ZBTB7B: variants seen among roughly 807,000 people sequenced by gnomAD.
ZBTB7B encodes the protein zinc finger and BTB domain-containing protein 7B.
In ZBTB7B, 8 loss-of-function variants were observed where a neutral mutation model predicts 31.0. That is an observed-to-expected ratio of 0.26 (90% CI 0.15 to 0.47). ZBTB7B has a LOEUF of 0.47. ZBTB7B is among the 20% of genes least tolerant of loss of function. The pLI is 0.99. For missense variants in ZBTB7B, 494 were observed against 742.4 expected, an observed-to-expected ratio of 0.67 and a Z score of 3.89; for synonymous variants, 261 against 307.3, an observed-to-expected ratio of 0.85 and a Z score of 1.58.
At chr1:155,011,090 C>A in intron 1 of ZBTB7B, 1 of 1,302,048 alleles carries the variant, frequency 7.7e-7, no homozygotes, top group South Asian at 1.3e-5. Context: ...TTCTCTGCTG[C>A]TAATCCTGGT....
chr1:155,006,463 G>T (rs983321228), intron 1 of ZBTB7B, among the ~76,000 whole-genome samples: 9 of 152,132 alleles, frequency 5.9e-5, no homozygotes, highest in Non-Finnish European at 1.3e-4. Flanking sequence ...TCAGCCTTCA[G>T]AGCTTCCCAG....
intron 1 of ZBTB7B, among the ~76,000 whole-genome samples, chr1:155,007,823 C>T (rs183104194): frequency 4.0e-4 from 61 of 151,974 alleles, no homozygotes; most frequent in Admixed American, 3.9e-3. Context: ...AGCAGGCCAG[C>T]GGCATTGAGC....
At position 155,016,311 on chromosome 1, in the gene ZBTB7B, G is replaced by A. The variant is rs753915738; in HGVS notation, c.1246G>A (p.Asp416Asn). ...HCPARFLHSY[D>N]LKNHMHLHTG... Reference sequence around the variant, plus strand: ...CCCAGCCCGCTTCCTGCACAGCTACGACCTCAAGAACCACATGCACCTGCA... The same window carrying A: ...CCCAGCCCGCTTCCTGCACAGCTACAACCTCAAGAACCACATGCACCTGCA... Residue 416 changes from aspartate to asparagine, a missense_variant, in exon 3 of 3, where the codon GAC becomes AAC. By Grantham distance (23) the Asp-to-Asn change is conservative. Around this residue, in one of 5 missense-constraint regions of ZBTB7B, gnomAD observed 61 missense variants for 170.0 expected, o/e 0.36. Transcript: ENST00000535420. This position sits in a 1 kb window ranked among gnomAD's most constrained non-coding sequence, Gnocchi z 4.3. 1 of 1,614,052 alleles carries A rather than the reference G, an allele frequency of 6.2e-7. No individual in the cohort carries two copies. The highest frequency in any genetic ancestry group is 1.1e-5 in the South Asian group (1 of 91,072).
chr1:155,005,255 G>A (rs1163554784), intron 1 of ZBTB7B, among the ~76,000 whole-genome samples: 1 of 152,128 alleles, frequency 6.6e-6, no homozygotes, highest in Non-Finnish European at 1.5e-5. Context: ...AGTGAAGGCT[G>A]GGGGAGAGAA....
chr1:155,008,510 C>T (rs1022604433), intron 1 of ZBTB7B, among the ~76,000 whole-genome samples: 2 of 152,076 alleles, frequency 1.3e-5, no homozygotes, highest in East Asian at 1.9e-4. Context: ...CAGGGTTCCC[C>T]TCCTCCCTCT....
chr1:155,007,130 C>T (rs115792617), intron 1 of ZBTB7B, among the ~76,000 whole-genome samples: 74 of 152,362 alleles, frequency 4.9e-4, no homozygotes, highest in African/African-American at 1.5e-3. Flanking sequence ...TGCATCCCCC[C>T]ACTTTATTCT....
At chr1:155,009,100 T>C (rs1658762799) in intron 1 of ZBTB7B, among the ~76,000 whole-genome samples, 1 of 152,112 alleles carries the variant, frequency 6.6e-6, no homozygotes, top group African/African-American at 2.4e-5. Flanking sequence ...TGCCCAGACT[T>C]CACAAGAGAG....
At position 155,016,796 on chromosome 1, in the gene ZBTB7B, C is replaced by A. The variant is rs1475181465; in HGVS notation, c.*111C>A. The stretch of plus-strand genomic sequence containing the variant: ...GGTCTGGGGCACGGAGCCTTGCTGG[C>A]ATCAGCATCAGCCCTTCCTCCCAGA... On this transcript the variant is annotated 3_prime_UTR_variant, in exon 3 of 3. Coordinates refer to ENST00000535420, the MANE Select transcript of ZBTB7B (RefSeq NM_001256455.2). This position sits in a 1 kb window ranked among gnomAD's most constrained non-coding sequence, Gnocchi z 4.3. The A allele has an allele frequency of 4.6e-6, 3 of 647,796 alleles. No individual in the cohort carries two copies. Among genetic ancestry groups the A allele is most frequent in the Non-Finnish European group, 5.3e-6 (2 of 374,564 alleles). 40.1% of individuals were successfully genotyped at this position (647,796 alleles called of 1,614,324 possible). A position where few individuals can be genotyped will look rare whatever the true frequency, so the allele number is the denominator to read the frequency against.
chr1:155,002,072 G>C (rs1658254332), upstream of ZBTB7B, among the ~76,000 whole-genome samples: 1 of 151,660 alleles, frequency 6.6e-6, no homozygotes, highest in Non-Finnish European at 1.5e-5. Flanking sequence ...GGGAGCCCCT[G>C]TAGGGGGTGC....
At chr1:155,011,131 C>A in intron 1 of ZBTB7B, 2 of 961,594 alleles carry the variant, frequency 2.1e-6, no homozygotes, top group Non-Finnish European at 3.1e-6. Flanking sequence ...CTAAGCCTCA[C>A]TCCCCTAATC....
intron 1 of ZBTB7B, among the ~76,000 whole-genome samples, chr1:155,009,347 C>T (rs1202670440): frequency 2.6e-5 from 4 of 151,628 alleles, no homozygotes; most frequent in African/African-American, 9.7e-5. Context: ...GGGTTACCAG[C>T]CAGCTCGGTT....
chr1:155,008,795 G>A (rs1479959640), intron 1 of ZBTB7B, among the ~76,000 whole-genome samples: 12 of 152,148 alleles, frequency 7.9e-5, no homozygotes, highest in Admixed American at 7.9e-4. Context: ...GGGGGGAGGG[G>A]GGACAGCACC....
chr1:155,018,420 C>T lies in ZBTB7B; in HGVS notation c.*1735C>T. ...TACTTTCGGCTTTCCCAGTCAGTGC[C>T]TTAGGGGGAGAGGCACTCCCCCCCT... On this transcript the variant is annotated 3_prime_UTR_variant, in exon 3 of 3. Transcript: ENST00000535420. 2.0e-6 allele frequency: 2 copies of T among 1,003,918 alleles called. No individual in the cohort carries two copies. Among genetic ancestry groups the T allele is most frequent in the East Asian group, 2.6e-5 (1 of 38,262 alleles). 62.2% of individuals were successfully genotyped at this position (1,003,918 alleles called of 1,614,324 possible).
rs1241812053 is a variant in ZBTB7B, at chr1:155,015,667, T to G, written c.1007T>G (p.Leu336Arg). 1 of 1,613,246 alleles carries G rather than the reference T, an allele frequency of 6.2e-7. No individual in the cohort carries two copies. Among genetic ancestry groups the G allele is most frequent in the South Asian group, 1.1e-5 (1 of 91,036 alleles). The change falls in exon 2 of 3, where the codon CTG becomes CGG. Residue 336 changes from leucine (L) to arginine (R), a missense_variant. By Grantham distance (102) the Leu-to-Arg change is moderately radical. This residue lies in a region of ZBTB7B where 216 missense variants were observed against 229.3 expected (regional missense o/e 0.94). Transcript: ENST00000535420. ...LAPGLDSQDK[L>R]VRKRRSQMPQ... ...CCAGGCCTGGACAGCCAAGACAAGCTGGTGCGCAAACGCCGCTCCCAGATG... is the reference window on the plus strand; with the variant it reads ...CCAGGCCTGGACAGCCAAGACAAGCGGGTGCGCAAACGCCGCTCCCAGATG...
rs1659482407 is a variant in ZBTB7B at position 155,017,160 on chromosome 1, A to G, written c.*475A>G. 6.5e-6 allele frequency: 1 copy of G among 154,848 alleles called. No individual in the cohort carries two copies. The highest frequency in any genetic ancestry group is 2.4e-5 in the African/African-American group (1 of 41,218). 9.6% of individuals were successfully genotyped at this position (154,848 alleles called of 1,614,324 possible). A position where few individuals can be genotyped will look rare whatever the true frequency, so the allele number is the denominator to read the frequency against. On this transcript the variant is annotated 3_prime_UTR_variant, in exon 3 of 3. Coordinates refer to ENST00000535420, the MANE Select transcript of ZBTB7B (RefSeq NM_001256455.2). The stretch of plus-strand genomic sequence containing the variant: ...CTGGTTTCTGTTCCTTTTTCCTGGC[A>G]GTGAATTATGCAAAGGGGGCCGGCA...
intron 1 of ZBTB7B, chr1:155,013,980 G>A (rs1659181067): frequency 1.0e-6 from 1 of 970,892 alleles, no homozygotes; most frequent in African/African-American, 1.8e-5. Context: ...ATGATGCTTG[G>A]AAGCTGCCTT....
Position 155,004,371 on chromosome 1 carries a change from G to A in ZBTB7B, c.-7+1428G>A, listed in dbSNP as rs1658432212. On this transcript the variant is annotated intron_variant, in intron 1 of 2. Coordinates refer to ENST00000535420, the MANE Select transcript of ZBTB7B (RefSeq NM_001256455.2). This position sits in a 1 kb window ranked among gnomAD's most constrained non-coding sequence, Gnocchi z 4.0. ...AGGGAGACCGCTTATCAGGGACGGG[G>A]GAACCAGATTGGGCTGTGAGGGGTT... is the stretch of plus-strand genomic sequence containing the variant. 6.6e-6 allele frequency among the ~76,000 whole-genome samples: 1 copy of A among 152,174 alleles called. No homozygotes were observed. Among genetic ancestry groups the A allele is most frequent in the Admixed American group, 6.5e-5 (1 of 15,286 alleles).
chr1:155,015,483 G>T lies in ZBTB7B; in HGVS notation c.823G>T (p.Gly275Cys), dbSNP rs926938919. Residue 275 changes from glycine to cysteine, a missense_variant, in exon 2 of 3, where the codon GGT (glycine) becomes TGT (cysteine). By Grantham distance (159) the Gly-to-Cys change is radical (BLOSUM62 -3). Transcript: ENST00000535420. ...TCCCCAGAGCTACGAACCCTATGAG[G>T]GTGAGGAAGAAGAAGAGGAGCTGGT... ...EGPQSYEPYE[G>C]EEEEEELVYP... 1 of 1,612,890 alleles carries T rather than the reference G, an allele frequency of 6.2e-7. No individual in the cohort carries two copies.
In ZBTB7B at chr1:155,010,916, G is replaced by A. The variant is rs528384220; in HGVS notation, c.-6-3739G>A. On this transcript the variant is annotated intron_variant, in intron 1 of 2. Transcript: ENST00000535420. ...CAGGTCTCTCCATCATCCCTGGCAGGAAGATGTTACAGCCTGGTCCTCATC... is the reference window on the plus strand; with the variant it reads ...CAGGTCTCTCCATCATCCCTGGCAGAAAGATGTTACAGCCTGGTCCTCATC... 15 of 1,535,702 alleles carry A rather than the reference G, an allele frequency of 9.8e-6. No homozygotes were observed. The East Asian group carries it at 2.2e-4, about 23-fold the overall frequency.
Sources: allele counts gnomAD v4.1 joint callset (sites outside exome capture counted in the v4.1 genomes callset), GRCh38; gene constraint gnomAD v4.1.1; regional missense constraint gnomAD v4.1.1; non-coding constraint Gnocchi (gnomAD v3.1); transcripts MANE v1.5; gene names NCBI Gene and HGNC (gene_info 2026-07-23, HGNC 2026-07-21).